ANO6: variants seen among roughly 807,000 people sequenced by gnomAD.
ANO6 encodes anoctamin-6.
In ANO6, 106 loss-of-function variants were observed where a neutral mutation model predicts 117.5. The observed-to-expected ratio is 0.90, with a 90% CI of 0.77 to 1.06. The LOEUF is 1.06. Among genes scored for constraint, ANO6 ranks in the 50% least tolerant of loss-of-function variants. The pLI is 0.00. For synonymous variants in ANO6, 367 were observed against 385.1 expected (o/e 0.95, Z 0.55); for missense variants, 955 against 1,121.1 (o/e 0.85, Z 2.12).
intron 16 of ANO6, among the ~76,000 whole-genome samples, chr12:45,412,970 T>C (rs1285964493): frequency 6.6e-6 from 1 of 152,140 alleles, no homozygotes; most frequent in Non-Finnish European, 1.5e-5. Flanking sequence ...AAAAGTACAA[T>C]AGCTTGATCA....
intron 8 of ANO6, among the ~76,000 whole-genome samples, chr12:45,363,676 C>A (rs533207361): frequency 6.6e-6 from 1 of 152,066 alleles, no homozygotes; most frequent in Non-Finnish European, 1.5e-5. Context: ...TCCCATAATT[C>A]CCACATGTTG....
At chr12:45,381,148 A>C (rs930117627) in intron 10 of ANO6, among the ~76,000 whole-genome samples, 4 of 152,188 alleles carry the variant, frequency 2.6e-5, no homozygotes, top group African/African-American at 9.7e-5. Context: ...GCAGGATATA[A>C]CACCATAACA....
In ANO6 at chr12:45,429,411, A is replaced by G; in HGVS notation, c.*100A>G. ...TGTAAGTTAAATCACTTTGGCAAAT[A>G]TGAGTCTCAACTATTGCCATTTCCT... On this transcript the variant is annotated 3_prime_UTR_variant, in exon 20 of 20. Coordinates refer to ENST00000320560, the MANE Select transcript of ANO6 (RefSeq NM_001025356.3). 1.3e-6 allele frequency: 2 copies of G among 1,536,384 alleles called. No homozygotes were observed. The highest frequency in any genetic ancestry group is 1.2e-5 in the South Asian group (1 of 82,514).
chr12:45,293,323 A>G (rs998368338), intron 1 of ANO6, among the ~76,000 whole-genome samples: 1 of 152,148 alleles, frequency 6.6e-6, no homozygotes, highest in Non-Finnish European at 1.5e-5. Flanking sequence ...CTAGGAGCTC[A>G]TGGACTAGTG....
chr12:45,345,676 C>T (rs901039729), intron 3 of ANO6, among the ~76,000 whole-genome samples: 11 of 152,098 alleles, frequency 7.2e-5, no homozygotes, highest in African/African-American at 2.7e-4. Context: ...AGTGGGTTTT[C>T]TTAGTTCTAC....
chr12:45,396,804 C>T lies in ANO6; in HGVS notation c.1387-4991C>T, dbSNP rs544488310. Among the ~76,000 whole-genome samples, 217 of 152,304 alleles carry T rather than the reference C, an allele frequency of 1.4e-3. 1 individual carries two copies. The highest frequency in any genetic ancestry group is 0.012 in the Admixed American group (184 of 15,298). On this transcript the variant is annotated intron_variant, in intron 12 of 19. Coordinates refer to ENST00000320560, the MANE Select transcript of ANO6 (RefSeq NM_001025356.3). ...CGTATGTAGAAAGCTGAAACTGGAT[C>T]CCTTCCTTACACCTTGTACAAAAAT... is the stretch of plus-strand genomic sequence containing the variant.
intron 1 of ANO6, among the ~76,000 whole-genome samples, chr12:45,251,815 G>T (rs1937634696): frequency 6.6e-6 from 1 of 152,110 alleles, no homozygotes; most frequent in Non-Finnish European, 1.5e-5. Flanking sequence ...GTTCAATTGT[G>T]GTAAACTTAC....
At chr12:45,304,511 C>G (rs1211725021) in intron 2 of ANO6, among the ~76,000 whole-genome samples, 1 of 152,146 alleles carries the variant, frequency 6.6e-6, no homozygotes, top group Admixed American at 6.6e-5. Context: ...TTTTCTCCAT[C>G]TGGCATTTTG....
chr12:45,218,075 T>C (rs1002677642), intron 1 of ANO6, among the ~76,000 whole-genome samples: 2 of 152,186 alleles, frequency 1.3e-5, no homozygotes, highest in Admixed American at 6.5e-5. Flanking sequence ...TTTAATGACA[T>C]GTCATTCATG....
intron 1 of ANO6, among the ~76,000 whole-genome samples, chr12:45,297,306 A>T (rs1183474257): frequency 6.6e-6 from 1 of 152,228 alleles, no homozygotes; most frequent in Admixed American, 6.5e-5. Context: ...AATTCTGATT[A>T]TCTTTATTCC....
chr12:45,216,443 A>G (rs1947312848), intron 1 of ANO6, 52 bp downstream of exon 1: 2 of 1,589,132 alleles, frequency 1.3e-6, no homozygotes, highest in African/African-American at 2.7e-5. Context: ...CGACGCGGGA[A>G]GAAGTTCGGG....
chr12:45,375,140 C>T (rs903193854), intron 9 of ANO6, among the ~76,000 whole-genome samples: 3 of 152,140 alleles, frequency 2.0e-5, no homozygotes, highest in Admixed American at 1.3e-4. Context: ...AGGAATCCAA[C>T]TTACAAGAGA....
intron 1 of ANO6, among the ~76,000 whole-genome samples, chr12:45,249,587 T>C (rs972457286): frequency 6.6e-6 from 1 of 152,204 alleles, no homozygotes; most frequent in Admixed American, 6.5e-5. Flanking sequence ...TTGAGGGATC[T>C]CTTATGTTCA....
At position 45,357,276 on chromosome 12, in the gene ANO6, C is replaced by G; in HGVS notation, c.864-14C>G. ...TATTTGCATCTTCTAAAAATAATTTCTGTCTTTCTTCAGGAAATACTATGG... is the reference window on the plus strand; with the variant it reads ...TATTTGCATCTTCTAAAAATAATTTGTGTCTTTCTTCAGGAAATACTATGG... On this transcript the variant is annotated splice_polypyrimidine_tract_variant and intron_variant, in intron 7 of 19. Coordinates refer to ENST00000320560, the MANE Select transcript of ANO6 (RefSeq NM_001025356.3). 6.2e-7 allele frequency: 1 copy of G among 1,612,974 alleles called. No homozygotes were observed. The highest frequency in any genetic ancestry group is 1.3e-5 in the African/African-American group (1 of 75,024).
At chr12:45,287,540 C>T (rs1458119824) in intron 1 of ANO6, among the ~76,000 whole-genome samples, 1 of 152,116 alleles carries the variant, frequency 6.6e-6, no homozygotes, top group Non-Finnish European at 1.5e-5. Context: ...CATAGAAGCC[C>T]TGTGGGAATG....
At chr12:45,383,165 T>C in intron 10 of ANO6, 1 of 217,840 alleles carries the variant, frequency 4.6e-6, no homozygotes, top group South Asian at 8.7e-5. Context: ...CAGGAGTAGA[T>C]TCCATCTCAA....
chr12:45,287,639 AGTCAGGGATGAC>A (rs1397046939), intron 1 of ANO6, among the ~76,000 whole-genome samples: 2 of 152,172 alleles, frequency 1.3e-5, no homozygotes, highest in Non-Finnish European at 2.9e-5. Context: ...AAGGAAAAGG[AGTCAGGGATGAC>A]GTCAGTAATT....
At chr12:45,361,542 A>G (rs189203099) in intron 8 of ANO6, among the ~76,000 whole-genome samples, 1 of 152,128 alleles carries the variant, frequency 6.6e-6, no homozygotes, top group African/African-American at 2.4e-5. Context: ...TTTCTTACCT[A>G]GTTGTCCTGA....
chr12:45,401,651 C>A (rs1175284212), intron 12 of ANO6, 144 bp from the exon 13 acceptor site: 3 of 722,248 alleles, frequency 4.2e-6, no homozygotes, highest in African/African-American at 1.8e-5. Context: ...ATTTAACATG[C>A]CAGACTTTCT....
Sources: gnomAD v4.1 joint callset for allele counts (sites outside exome capture counted in the v4.1 genomes callset) on GRCh38, gnomAD v4.1.1 for gene constraint, MANE v1.5 for transcripts, NCBI Gene and HGNC (gene_info 2026-07-23, HGNC 2026-07-21) for gene names.